The following GLIS3 variants were observed in gnomAD, a reference collection of about 807,000 sequenced individuals.
GLIS3 encodes the protein GLIS family zinc finger 3, also known as zinc finger protein GLIS3.
Under a neutral mutation model 78.6 loss-of-function variants are expected in GLIS3, and 53 were observed. The observed-to-expected ratio is 0.67, with a 90% CI of 0.54 to 0.85. GLIS3 has a LOEUF of 0.85. Among genes scored for constraint, GLIS3 ranks in the 40% least tolerant of loss-of-function variants. The pLI is 0.00. For synonymous variants in GLIS3, 684 were observed against 509.9 expected (o/e 1.34, Z -4.60); for missense variants, 1,703 against 1,231.1 (o/e 1.38, Z -5.74).
intron 2 of GLIS3, among the ~76,000 whole-genome samples, chr9:4,324,301 T>G (rs1348508348): frequency 6.6e-6 from 1 of 152,192 alleles, no homozygotes; most frequent in Admixed American, 6.5e-5. Flanking sequence ...ACTTTTCCTA[T>G]AGGCAGAGGA....
chr9:3,837,427 C>G (rs1206608655), intron 9 of GLIS3, among the ~76,000 whole-genome samples: 2 of 152,154 alleles, frequency 1.3e-5, no homozygotes, highest in African/African-American at 2.4e-5. Context: ...TATATTTACC[C>G]AAAGGGTTGG....
the GLIS3 span, among the ~76,000 whole-genome samples, chr9:4,381,127 A>G: frequency 3.9e-5 from 6 of 152,236 alleles, no homozygotes; most frequent in Admixed American, 2.6e-4. Flanking sequence ...CAAGTAAGTG[A>G]GAAAACAGTA....
At chr9:3,999,890 T>C (rs1043083742) in intron 4 of GLIS3, among the ~76,000 whole-genome samples, 1 of 151,942 alleles carries the variant, frequency 6.6e-6, no homozygotes, top group African/African-American at 2.4e-5. Context: ...AACATTTAAG[T>C]GTGGGGATAG....
chr9:4,060,416 G>C (rs62521684), intron 4 of GLIS3, among the ~76,000 whole-genome samples: 13,544 of 152,194 alleles, frequency 0.089, 831 homozygotes, highest in Middle Eastern at 0.18. Context: ...CTCACTAATA[G>C]GTGGTGTTAT....
intron 7 of GLIS3, among the ~76,000 whole-genome samples, chr9:3,889,692 G>A (rs1822296968): frequency 6.6e-6 from 1 of 152,190 alleles, no homozygotes; most frequent in Non-Finnish European, 1.5e-5. Flanking sequence ...TTGCAAAGGA[G>A]CAGACAGAAA....
At chr9:4,405,034 G>A in the GLIS3 span, among the ~76,000 whole-genome samples, 3 of 152,252 alleles carry the variant, frequency 2.0e-5, no homozygotes, top group African/African-American at 7.2e-5. Flanking sequence ...GATGAAAAAG[G>A]AGACATTAGA....
rs185022450 is a variant in GLIS3, at chr9:4,308,209, G to C, written n.584+568C>G. Among the ~76,000 whole-genome samples, 10 of 152,220 alleles carry C rather than the reference G, an allele frequency of 6.6e-5. No homozygotes were observed. In the East Asian group the frequency reaches 1.9e-3, roughly 29 times the overall value. On this transcript the variant is annotated intron_variant and non_coding_transcript_variant, in intron 4 of 4. Coordinates refer to the GLIS3 transcript ENST00000471664. ...GCCACCACCCACTTTCTGCTGGAAG[G>C]ACAGGCACTGTGAAGTGAAAGGACC...
Position 4,219,003 on chromosome 9 carries a change from C to A in GLIS3, c.388+67035G>T, listed in dbSNP as rs1821093619. Among the ~76,000 whole-genome samples the A allele has an allele frequency of 2.0e-5, 3 of 152,210 alleles. No individual in the cohort carries two copies. In the South Asian group the frequency reaches 6.2e-4, roughly 32 times the overall value. On this transcript the variant is annotated intron_variant, in intron 2 of 10. Coordinates refer to ENST00000381971, the MANE Select transcript of GLIS3 (RefSeq NM_001042413.2). ...GATAAAATTGGTCATTACTGTATCCCTATTATCTCCAGCATTGCCTGGCAT... is the reference window on the plus strand; with the variant it reads ...GATAAAATTGGTCATTACTGTATCCATATTATCTCCAGCATTGCCTGGCAT...
intron 9 of GLIS3, among the ~76,000 whole-genome samples, chr9:3,839,611 A>C (rs1818594710): frequency 6.6e-6 from 1 of 152,128 alleles, no homozygotes; most frequent in Non-Finnish European, 1.5e-5. Flanking sequence ...AGAAGTTAAA[A>C]TAACTGAATT....
chr9:4,322,300 C>T (rs146818756), intron 2 of GLIS3, among the ~76,000 whole-genome samples: 52 of 152,232 alleles, frequency 3.4e-4, no homozygotes, highest in African/African-American at 1.0e-3. Flanking sequence ...TGGGTTGGTT[C>T]GAAGTCTGTG....
chr9:4,386,002 A>G, the GLIS3 span, among the ~76,000 whole-genome samples: 3 of 152,154 alleles, frequency 2.0e-5, no homozygotes, highest in African/African-American at 7.2e-5. Context: ...ATTCCCATCT[A>G]TTTATGGCAT....
chr9:4,080,601 A>G (rs1431571818), intron 4 of GLIS3, among the ~76,000 whole-genome samples: 3 of 152,196 alleles, frequency 2.0e-5, no homozygotes, highest in Non-Finnish European at 2.9e-5. Flanking sequence ...AAAAATTAAT[A>G]CTGATTAAAT....
intron 2 of GLIS3, among the ~76,000 whole-genome samples, chr9:4,331,971 C>G (rs561641806): frequency 6.6e-6 from 1 of 152,244 alleles, no homozygotes; most frequent in South Asian, 2.1e-4. Context: ...AAGCATGAGC[C>G]CTTCCTAGCT....
At chr9:3,885,286 G>A (rs1821997022) in intron 7 of GLIS3, among the ~76,000 whole-genome samples, 1 of 152,226 alleles carries the variant, frequency 6.6e-6, no homozygotes, top group Non-Finnish European at 1.5e-5. Flanking sequence ...CAAGAATGAT[G>A]TTCTGGGCTG....
rs147933647 is a variant in GLIS3 at position 4,072,748 on chromosome 9, T to TG, written c.1710+45019_1710+45020insC. Among the ~76,000 whole-genome samples the TG allele has an allele frequency of 2.7e-3, 413 of 152,010 alleles. 2 individuals are homozygous for TG. The highest frequency in any genetic ancestry group is 6.6e-3 in the African/African-American group (273 of 41,366). Reference sequence around the variant, plus strand: ...GGCTTTCTAAAGAGAACTGTTTTTTTTTGTTGTTGTTGTTATATCACTGTG... The same window carrying TG: ...GGCTTTCTAAAGAGAACTGTTTTTTTGTTGTTGTTGTTGTTATATCACTGTG... On this transcript the variant is annotated intron_variant, in intron 4 of 10. Transcript: ENST00000381971.
intron 4 of GLIS3, among the ~76,000 whole-genome samples, chr9:3,953,383 T>G (rs1458566643): frequency 6.6e-6 from 1 of 152,212 alleles, no homozygotes; most frequent in South Asian, 2.1e-4. Flanking sequence ...TGATCAATAT[T>G]GTACAGATCA....
At chr9:4,401,383 C>T in the GLIS3 span, among the ~76,000 whole-genome samples, 1 of 147,594 alleles carries the variant, frequency 6.8e-6, no homozygotes, top group Non-Finnish European at 1.5e-5. Context: ...CCTCAGCCTC[C>T]CGATTAGCTG....
At chr9:3,898,863 G>A (rs766143053) in intron 6 of GLIS3, 28 bp from the exon 7 acceptor site, 10 of 1,613,156 alleles carry the variant, frequency 6.2e-6, no homozygotes, top group South Asian at 4.4e-5. Flanking sequence ...AAGAGACATC[G>A]ATAAGGAGAG....
rs567925170 is a variant in GLIS3, at chr9:4,238,173, GC to G, written c.388+47864del. Among the ~76,000 whole-genome samples the G allele has an allele frequency of 1.6e-3, 249 of 152,194 alleles. 2 individuals are homozygous for G. The highest frequency in any genetic ancestry group is 5.8e-3 in the African/African-American group (239 of 41,518). ...CTACTTTACATAAAGTTTATTCCCT[GC>G]CCCCTCCCGCTGCGCAAAGAGCTTC... is the stretch of plus-strand genomic sequence containing the variant. On this transcript the variant is annotated intron_variant, in intron 2 of 10. Coordinates refer to ENST00000381971, the MANE Select transcript of GLIS3 (RefSeq NM_001042413.2).
Sources: allele counts gnomAD v4.1 joint callset (sites outside exome capture counted in the v4.1 genomes callset), GRCh38; gene constraint gnomAD v4.1.1; transcripts MANE v1.5; gene names NCBI Gene and HGNC (gene_info 2026-07-23, HGNC 2026-07-21).